The following TESK2 variants were observed in gnomAD, a reference collection of about 807,000 sequenced individuals.
TESK2 encodes testis associated actin remodelling kinase 2.
TESK2 carries 39 observed loss-of-function variants against 57.1 expected under a neutral mutation model. The observed-to-expected ratio is 0.68, with a 90% CI of 0.53 to 0.89. The LOEUF (loss-of-function observed/expected upper bound fraction) is 0.89. Ranked by LOEUF, TESK2 falls within the 40% of genes least tolerant of loss-of-function variation. TESK2 has a pLI of 0.00. For missense variants in TESK2, 646 were observed against 732.1 expected, an observed-to-expected ratio of 0.88 and a Z score of 1.36; for synonymous variants, 249 against 267.9, an observed-to-expected ratio of 0.93 and a Z score of 0.69.
chr1:45,385,235 C>T, intron 4 of TESK2: 1 of 594,948 alleles, frequency 1.7e-6, no homozygotes, highest in Non-Finnish European at 2.1e-6. Flanking sequence ...CTAGAAGATT[C>T]CAGGAATCTG....
chr1:45,386,345 CAAA>C (rs11314981), intron 3 of TESK2, among the ~76,000 whole-genome samples: 2 of 45,968 alleles, frequency 4.4e-5, no homozygotes, highest in Non-Finnish European at 8.5e-5. Flanking sequence ...GACTTTGACT[CAAA>C]AAAAAAAAAA....
chr1:45,346,023 C>T (rs765397500), intron 9 of TESK2, 29 bp from the exon 10 acceptor site: 1 of 1,536,558 alleles, frequency 6.5e-7, no homozygotes, highest in Admixed American at 1.7e-5. Context: ...GCCATGAGCT[C>T]TGCCCTCCAT....
Position 45,343,935 on chromosome 1 carries a change from T to TA in TESK2, c.*904dup. 9 of 426,582 alleles carry TA rather than the reference T, an allele frequency of 2.1e-5. No individual in the cohort carries two copies. The highest frequency in any genetic ancestry group is 3.9e-5 in the Admixed American group (1 of 25,474). 26.4% of individuals were successfully genotyped at this position (426,582 alleles called of 1,614,324 possible). On this transcript the variant is annotated 3_prime_UTR_variant, in exon 11 of 11. Coordinates refer to ENST00000372086, the MANE Select transcript of TESK2 (RefSeq NM_007170.3). The surrounding 1 kb of genome is among the most constrained non-coding windows in gnomAD (Gnocchi z 4.3). The stretch of plus-strand genomic sequence containing the variant: ...GTCTGAAAATGTCTTGGGAAAGTTT[T>TA]ACAAAAAAAAAAATCAACAGAAGCA...
intron 2 of TESK2, among the ~76,000 whole-genome samples, chr1:45,434,959 C>CTTTTTTTT (rs60515365): frequency 7.1e-6 from 1 of 140,446 alleles, no homozygotes; most frequent in African/African-American, 2.6e-5. Flanking sequence ...ACTTTTCTTT[C>CTTTTTTTT]TTTTTTTTTT....
At chr1:45,370,000 C>T (rs924085857) in intron 4 of TESK2, among the ~76,000 whole-genome samples, 3 of 152,094 alleles carry the variant, frequency 2.0e-5, no homozygotes, top group Admixed American at 6.5e-5. Flanking sequence ...CGTCAGCCAC[C>T]GCGTCCAGCC....
intron 4 of TESK2, among the ~76,000 whole-genome samples, chr1:45,359,489 G>A (rs1371974562): frequency 2.0e-5 from 3 of 151,878 alleles, no homozygotes; most frequent in African/African-American, 7.3e-5. Flanking sequence ...GAACCCGGGA[G>A]GCGGAGGCTG....
intron 5 of TESK2, among the ~76,000 whole-genome samples, chr1:45,354,400 T>C (rs1312715048): frequency 6.6e-6 from 1 of 151,954 alleles, no homozygotes; most frequent in Non-Finnish European, 1.5e-5. Context: ...CCAAGGCACG[T>C]GGATCACCTG....
chr1:45,436,528 T>C (rs1280847286), intron 2 of TESK2, among the ~76,000 whole-genome samples: 4 of 108,674 alleles, frequency 3.7e-5, no homozygotes, highest in Non-Finnish European at 5.3e-5. Flanking sequence ...TCACTCTTGT[T>C]GCCCAGGCTG....
At chr1:45,485,742 A>T (rs2149309806) in intron 1 of TESK2, among the ~76,000 whole-genome samples, 1 of 150,506 alleles carries the variant, frequency 6.6e-6, no homozygotes, top group South Asian at 2.1e-4. Flanking sequence ...GCTGGTCTCG[A>T]ACTCCTGACC....
chr1:45,477,582 A>G (rs915435995), intron 1 of TESK2, among the ~76,000 whole-genome samples: 5 of 151,984 alleles, frequency 3.3e-5, no homozygotes, highest in African/African-American at 1.2e-4. Context: ...AGATCACACC[A>G]CTGCACTCCA....
rs1429401929 is a variant in TESK2 at position 45,344,673 on chromosome 1, T to C, written c.*167A>G. The C allele has an allele frequency of 6.3e-6, 4 of 639,920 alleles. No individual in the cohort carries two copies. In the African/African-American group the frequency reaches 7.3e-5, roughly 12 times the overall value. 39.6% of individuals were successfully genotyped at this position (639,920 alleles called of 1,614,324 possible). ...ACTAGGAAGGCCTCTCACTGCTGCC[T>C]CCCGTCATACACAGCCAATGGGCAC... On this transcript the variant is annotated 3_prime_UTR_variant, in exon 11 of 11. Transcript: ENST00000372086.
chr1:45,371,958 C>T (rs1648205251), intron 4 of TESK2, among the ~76,000 whole-genome samples: 1 of 151,888 alleles, frequency 6.6e-6, no homozygotes. Context: ...GTTTGTTTCA[C>T]AAGATGAAAA....
intron 7 of TESK2, 34 bp downstream of exon 7, chr1:45,347,575 A>G (rs927957910): frequency 7.6e-6 from 12 of 1,580,422 alleles, no homozygotes; most frequent in Non-Finnish European, 8.7e-6. Flanking sequence ...AAAAGAAAAA[A>G]GGAGAATCAG....
intron 3 of TESK2, among the ~76,000 whole-genome samples, chr1:45,390,255 A>C (rs936994616): frequency 6.6e-6 from 1 of 152,160 alleles, no homozygotes. Context: ...ATACGGTGAA[A>C]TATGATCTTT....
At chr1:45,415,433 C>G (rs1258149893) in intron 3 of TESK2, 1 of 669,832 alleles carries the variant, frequency 1.5e-6, no homozygotes, top group Non-Finnish European at 2.6e-6. Flanking sequence ...CTCGCAATAT[C>G]CCATAATCTT....
At position 45,458,344 on chromosome 1, in the gene TESK2, C is replaced by T. The variant is rs551207816; in HGVS notation, c.-86-473G>A. On this transcript the variant is annotated intron_variant, in intron 1 of 10. Coordinates refer to ENST00000372086, the MANE Select transcript of TESK2 (RefSeq NM_007170.3). Reference sequence around the variant, plus strand: ...CTTTGGGAGGCCAAGGCAGGCGGATCACTTGAGGTCAGGAGTTTGAGACCA... The same window carrying T: ...CTTTGGGAGGCCAAGGCAGGCGGATTACTTGAGGTCAGGAGTTTGAGACCA... 2.5e-3 allele frequency among the ~76,000 whole-genome samples: 381 copies of T among 152,290 alleles called. 1 individual carries two copies. The highest frequency in any genetic ancestry group is 8.3e-3 in the African/African-American group (344 of 41,564).
rs1182389084 is a variant in TESK2, at chr1:45,472,250, TC to T, written c.-86-14380del. On this transcript the variant is annotated intron_variant, in intron 1 of 10. Transcript: ENST00000372086. ...CTGGGCGACAGAGCAAGACTCCATCTCAAAAAAAAAAAAAAAGGTGTTCAAG... is the reference window on the plus strand; with the variant it reads ...CTGGGCGACAGAGCAAGACTCCATCTAAAAAAAAAAAAAAAGGTGTTCAAG... Among the ~76,000 whole-genome samples, 4 of 73,900 alleles carry T rather than the reference TC, an allele frequency of 5.4e-5. No individual in the cohort carries two copies. The East Asian group carries it at 1.1e-3, about 21-fold the overall frequency. The allele number at this position is 73,900 out of a possible 152,430, so 48.5% of individuals were successfully genotyped here. A position where few individuals can be genotyped will look rare whatever the true frequency, so the allele number is the denominator to read the frequency against.
chr1:45,480,864 T>C (rs986089614), intron 1 of TESK2, among the ~76,000 whole-genome samples: 1 of 151,714 alleles, frequency 6.6e-6, no homozygotes, highest in Admixed American at 6.6e-5. Flanking sequence ...GGTGCACACC[T>C]GTAATCCCAG....
chr1:45,458,822 C>G (rs921798537), intron 1 of TESK2, among the ~76,000 whole-genome samples: 2 of 152,116 alleles, frequency 1.3e-5, no homozygotes, highest in African/African-American at 4.8e-5. Context: ...CTATAGAAGG[C>G]TCCATCCCAT....
Sources: allele counts gnomAD v4.1 joint callset (sites outside exome capture counted in the v4.1 genomes callset), GRCh38; gene constraint gnomAD v4.1.1; non-coding constraint Gnocchi (gnomAD v3.1); transcripts MANE v1.5; gene names NCBI Gene and HGNC (gene_info 2026-07-23, HGNC 2026-07-21).